Variants in LYPLA1 observed in about 807,000 individuals in gnomAD.
LYPLA1 encodes acyl-protein thioesterase 1.
In LYPLA1, 17 loss-of-function variants were observed where a neutral mutation model predicts 34.0. The observed-to-expected ratio is 0.50, with a 90% CI of 0.34 to 0.75. The LOEUF (loss-of-function observed/expected upper bound fraction) is 0.75, where lower values mean the gene tolerates loss of function less well. Among genes scored for constraint, LYPLA1 ranks in the 30% least tolerant of loss-of-function variants. LYPLA1 has a pLI of 0.01. For synonymous variants in LYPLA1, 98 were observed against 100.8 expected (o/e 0.97, Z 0.17); for missense variants, 203 against 288.8 (o/e 0.70, Z 2.15).
intron 3 of LYPLA1, among the ~76,000 whole-genome samples, chr8:54,065,518 G>A (rs1185270651): frequency 3.3e-5 from 5 of 150,806 alleles, no homozygotes; most frequent in African/African-American, 9.8e-5. Context: ...AAGTTCAGCT[G>A]ACCTCCAAGA....
At position 54,063,312 on chromosome 8, in the gene LYPLA1, G is replaced by A. The variant is rs1416165801; in HGVS notation, c.215+16C>T. 2 of 1,437,010 alleles carry A rather than the reference G, an allele frequency of 1.4e-6. No individual in the cohort carries two copies. Among genetic ancestry groups the A allele is most frequent in the Non-Finnish European group, 1.9e-6 (2 of 1,061,464 alleles). 89.0% of individuals were successfully genotyped at this position (1,437,010 alleles called of 1,614,324 possible). On this transcript the variant is annotated intron_variant, in intron 4 of 8. Coordinates refer to ENST00000316963, the MANE Select transcript of LYPLA1 (RefSeq NM_006330.4). ...GTAATATAATGTTCTTATTCAATAA[G>A]TAAATTCTTACTTACCATGAAGGCA... is the stretch of plus-strand genomic sequence containing the variant.
chr8:54,065,160 A>C (rs1806956747), intron 3 of LYPLA1, among the ~76,000 whole-genome samples: 1 of 152,206 alleles, frequency 6.6e-6, no homozygotes, highest in Non-Finnish European at 1.5e-5. Context: ...CTTCAGAGAT[A>C]CCCTAGGGAT....
intron 2 of LYPLA1, among the ~76,000 whole-genome samples, chr8:54,068,738 A>G (rs1211023298): frequency 6.6e-6 from 1 of 152,198 alleles, no homozygotes; most frequent in Non-Finnish European, 1.5e-5. Context: ...AGAAGAAAAC[A>G]CACATACATC....
intron 2 of LYPLA1, among the ~76,000 whole-genome samples, chr8:54,082,947 C>T (rs1005977214): frequency 6.6e-6 from 1 of 152,066 alleles, no homozygotes; most frequent in African/African-American, 2.4e-5. Flanking sequence ...AGGATGGTCT[C>T]GATCTCCTGA....
chr8:54,074,687 G>A (rs28749838), intron 2 of LYPLA1, among the ~76,000 whole-genome samples: 106 of 152,228 alleles, frequency 7.0e-4, no homozygotes, highest in African/African-American at 2.4e-3. Flanking sequence ...ATTATCCAGC[G>A]ATGCCCAACT....
chr8:54,063,375 C>T lies in LYPLA1; in HGVS notation c.168G>A (p.Ala56=). The change falls in exon 4 of 9, where the codon GCG becomes GCA. Residue 56 remains alanine, a splice_region_variant and synonymous_variant. Transcript: ENST00000316963. ...TATTTAATGTAACAGGCCTAACAGGCCTACATGGAAAAGAAAAAACAACAA... is the reference window on the plus strand; with the variant it reads ...TATTTAATGTAACAGGCCTAACAGGTCTACATGGAAAAGAAAAAACAACAA... ...SSHIKYICPH[A]PVRPVTLNMN... is the part of the protein sequence containing the mutation. 6.5e-7 allele frequency: 1 copy of T among 1,531,964 alleles called. No homozygotes were observed. Among genetic ancestry groups the T allele is most frequent in the South Asian group, 1.3e-5 (1 of 79,488 alleles). The allele number at this position is 1,531,964 out of a possible 1,614,324, so 94.9% of individuals were successfully genotyped here. A position where few individuals can be genotyped will look rare whatever the true frequency, so the allele number is the denominator to read the frequency against.
chr8:54,058,616 G>C (rs1376507008), intron 5 of LYPLA1, among the ~76,000 whole-genome samples: 1 of 148,782 alleles, frequency 6.7e-6, no homozygotes, highest in East Asian at 1.9e-4. Flanking sequence ...CTCTGTCTCT[G>C]TCTCTCTCTC....
At chr8:54,048,831 C>A (rs1200914780) in intron 8 of LYPLA1, among the ~76,000 whole-genome samples, 5 of 152,192 alleles carry the variant, frequency 3.3e-5, no homozygotes, top group Non-Finnish European at 5.9e-5. Context: ...TTCTATTTCA[C>A]AATACTCTGA....
intron 2 of LYPLA1, among the ~76,000 whole-genome samples, chr8:54,085,185 G>A (rs1230805295): frequency 8.5e-5 from 13 of 152,192 alleles, no homozygotes; most frequent in Non-Finnish European, 1.5e-4. Context: ...ACAGGGTTTC[G>A]CCGTGTTGGC....
At chr8:54,046,098 TAAGAAAAAGACAA>T (rs1217651552), downstream of LYPLA1, among the ~76,000 whole-genome samples, 1 of 151,974 alleles carries the variant, frequency 6.6e-6, no homozygotes, top group Non-Finnish European at 1.5e-5. Context: ...TAAAAAGAGT[TAAGAAAAAGACAA>T]AAGATAAACA....
At chr8:54,092,717 C>T (rs1450632012) in intron 2 of LYPLA1, among the ~76,000 whole-genome samples, 1 of 152,142 alleles carries the variant, frequency 6.6e-6, no homozygotes, top group Non-Finnish European at 1.5e-5. Flanking sequence ...TGTAGTGGCT[C>T]ACACCTGTAA....
At chr8:54,065,242 G>T (rs1232076984) in intron 3 of LYPLA1, among the ~76,000 whole-genome samples, 1 of 152,080 alleles carries the variant, frequency 6.6e-6, no homozygotes, top group Non-Finnish European at 1.5e-5. Flanking sequence ...TCGATCACTT[G>T]AGGTCAGGCA....
intron 3 of LYPLA1, 117 bp from the exon 4 acceptor site, chr8:54,063,492 T>C: frequency 1.4e-6 from 1 of 696,144 alleles, no homozygotes; most frequent in Non-Finnish European, 2.5e-6. Context: ...TGCTACAGTT[T>C]TAACATATGA....
chr8:54,066,801 A>G (rs1258395452), intron 2 of LYPLA1, among the ~76,000 whole-genome samples: 2 of 151,134 alleles, frequency 1.3e-5, no homozygotes, highest in Non-Finnish European at 3.0e-5. Flanking sequence ...AAAAGAAAAA[A>G]AAGAAAAAGA....
At chr8:54,072,370 A>G (rs1807540341) in intron 2 of LYPLA1, among the ~76,000 whole-genome samples, 1 of 152,200 alleles carries the variant, frequency 6.6e-6, no homozygotes, top group Non-Finnish European at 1.5e-5. Flanking sequence ...TGCAACAAAA[A>G]CAAAAATTGA....
At chr8:54,046,015 C>T (rs1414837571), downstream of LYPLA1, among the ~76,000 whole-genome samples, 2 of 151,994 alleles carry the variant, frequency 1.3e-5, no homozygotes, top group African/African-American at 2.4e-5. Context: ...GAGCCGAGAT[C>T]GCACCACTGC....
intron 2 of LYPLA1, among the ~76,000 whole-genome samples, chr8:54,096,276 A>G (rs1209948224): frequency 1.3e-5 from 2 of 152,256 alleles, no homozygotes; most frequent in Non-Finnish European, 2.9e-5. Context: ...AGTTTAAAAC[A>G]TAACAGAATA....
chr8:54,054,904 G>A, intron 6 of LYPLA1, 156 bp downstream of exon 6: 1 of 599,686 alleles, frequency 1.7e-6, no homozygotes. Flanking sequence ...AAATTAATTA[G>A]TTCCAGTACA....
chr8:54,067,802 T>C lies in LYPLA1; in HGVS notation c.102-1989A>G, dbSNP rs1807180348. 2.6e-5 allele frequency among the ~76,000 whole-genome samples: 4 copies of C among 151,724 alleles called. No individual in the cohort carries two copies. In the South Asian group the frequency reaches 6.3e-4, roughly 24 times the overall value. On this transcript the variant is annotated intron_variant, in intron 2 of 8. Coordinates refer to ENST00000316963, the MANE Select transcript of LYPLA1 (RefSeq NM_006330.4). ...GCCCCACCTCCCGGGCTCACACCAT[T>C]CTCCTGCCTCAGCCTCCCGAGTAGG...
Sources: gnomAD v4.1 joint callset for allele counts (sites outside exome capture counted in the v4.1 genomes callset) on GRCh38, gnomAD v4.1.1 for gene constraint, MANE v1.5 for transcripts, NCBI Gene and HGNC (gene_info 2026-07-23, HGNC 2026-07-21) for gene names.